Variants in KRT12 observed in about 807,000 individuals in gnomAD.
KRT12 encodes keratin 12, also known as keratin, type I cytoskeletal 12.
In KRT12, 43 loss-of-function variants were observed where a neutral mutation model predicts 50.2. The observed-to-expected ratio is 0.86, with a 90% CI of 0.67 to 1.11. The LOEUF is 1.11. Ranked by LOEUF, KRT12 falls within the 50% of genes least tolerant of loss-of-function variation. The pLI, the probability that KRT12 is intolerant of heterozygous loss-of-function variation, is 0.00. For synonymous variants in KRT12, 257 were observed against 253.6 expected (o/e 1.01, Z -0.13); for missense variants, 588 against 625.6 (o/e 0.94, Z 0.64).
chr17:40,862,442 C>A, intron 7 of KRT12, 123 bp downstream of exon 7: 2 of 746,246 alleles, frequency 2.7e-6, no homozygotes, highest in Non-Finnish European at 2.3e-6. Flanking sequence ...TTCCTTGGCT[C>A]AGAATATAAA....
chr17:40,866,350 A>G, intron 1 of KRT12, 113 bp from the exon 2 acceptor site: 1 of 837,176 alleles, frequency 1.2e-6, no homozygotes, highest in Non-Finnish European at 2.0e-6. Flanking sequence ...TTTTATTTAG[A>G]GTTTAAGACA....
At chr17:40,866,384 C>A in intron 1 of KRT12, 147 bp from the exon 2 acceptor site, 1 of 756,218 alleles carries the variant, frequency 1.3e-6, no homozygotes, top group South Asian at 1.5e-5. Flanking sequence ...AAGACAATAT[C>A]TGTATAAAAT....
chr17:40,863,898 G>T lies in KRT12; in HGVS notation c.808-34C>A. On this transcript the variant is annotated intron_variant, in intron 3 of 7. Transcript: ENST00000251643. The surrounding 1 kb of genome is among the most constrained non-coding windows in gnomAD (Gnocchi z 4.2). ...AGCATGTGAGAGAGAGGGGCACAGG[G>T]GTCCATTGTGACTTTCGTGGGCCCT... 6.5e-7 allele frequency: 1 copy of T among 1,532,090 alleles called. No homozygotes were observed. Among genetic ancestry groups the T allele is most frequent in the South Asian group, 1.2e-5 (1 of 81,256 alleles). 94.9% of individuals were successfully genotyped at this position (1,532,090 alleles called of 1,614,324 possible). A position where few individuals can be genotyped will look rare whatever the true frequency, so the allele number is the denominator to read the frequency against.
chr17:40,867,070 T>C lies in KRT12; in HGVS notation c.117A>G (p.Gly39=). Residue 39 remains glycine, a synonymous_variant, in exon 1 of 8, where the codon GGA becomes GGG. Transcript: ENST00000251643. ...RPRGMSASSV[G]SGYGGSAFGF... Reference sequence around the variant, plus strand: ...CAAAGGCACTTCCCCCATAACCACTTCCAACACTGGAAGCAGACATGCCCC... The same window carrying C: ...CAAAGGCACTTCCCCCATAACCACTCCCAACACTGGAAGCAGACATGCCCC... 1 of 1,613,204 alleles carries C rather than the reference T, an allele frequency of 6.2e-7. No individual in the cohort carries two copies. Among genetic ancestry groups the C allele is most frequent in the Non-Finnish European group, 8.5e-7 (1 of 1,179,488 alleles).
In KRT12 at chr17:40,866,786, T is replaced by G; in HGVS notation, c.401A>C (p.Asp134Ala). The G allele has an allele frequency of 6.2e-7, 1 of 1,614,184 alleles. No individual in the cohort carries two copies. The highest frequency in any genetic ancestry group is 8.5e-7 in the Non-Finnish European group (1 of 1,180,030). ...CTTATCCAGGTAGGAAGCTAATCTA[T>G]CATTAAGATTTTGCATAGTTTCTTT... ...SEKETMQNLN[D>A]RLASYLDKVR... Residue 134 changes from aspartate to alanine, a missense_variant, in exon 1 of 8, where the codon GAT (aspartate) becomes GCT (alanine). Physicochemically the swap from Asp to Ala is moderately radical, Grantham distance 126 (BLOSUM62 -2). Coordinates refer to ENST00000251643, the MANE Select transcript of KRT12 (RefSeq NM_000223.4).
rs572932660 is a variant in KRT12, at chr17:40,862,625, C to T, written c.1327G>A (p.Glu443Lys). Residue 443 changes from glutamate (E) to lysine (K), a missense_variant, in exon 7 of 8, where the codon GAG becomes AAG. Glu to Lys is a moderately conservative substitution (Grantham distance 56). Coordinates refer to ENST00000251643, the MANE Select transcript of KRT12 (RefSeq NM_000223.4). ...LDGEAQGDGL[E>K]ESLFVTDSKS... Reference sequence around the variant, plus strand: ...GAGTCTGTCACAAATAAACTTTCCTCCAAACCATCACTGTAAGAAAACAAA... The same window carrying T: ...GAGTCTGTCACAAATAAACTTTCCTTCAAACCATCACTGTAAGAAAACAAA... 3 of 1,612,446 alleles carry T rather than the reference C, an allele frequency of 1.9e-6. No individual in the cohort carries two copies. Among genetic ancestry groups the T allele is most frequent in the African/African-American group, 1.3e-5 (1 of 75,008 alleles).
rs769499559 is a variant in KRT12 at position 40,864,836 on chromosome 17, C to T, written c.777G>A (p.Glu259=). ...LEMQIESLNE[E]LAYMKKNHED... ...CGTGGTTCTTCTTCATGTAGGCCAG[C>T]TCCTCGTTCAGGCTCTCGATCTGCA... The change falls in exon 3 of 8, where the codon GAG becomes GAA. Residue 259 remains glutamate, a synonymous_variant. Transcript: ENST00000251643. The T allele has an allele frequency of 1.9e-6, 3 of 1,614,086 alleles. No individual in the cohort carries two copies. The highest frequency in any genetic ancestry group is 1.3e-5 in the African/African-American group (1 of 74,910).
At chr17:40,865,490 G>A (rs1319057097) in intron 2 of KRT12, among the ~76,000 whole-genome samples, 1 of 152,194 alleles carries the variant, frequency 6.6e-6, no homozygotes, top group Non-Finnish European at 1.5e-5. Context: ...TGGGAGAGTT[G>A]AGCATGGAAA....
In KRT12 at chr17:40,863,205, G is replaced by A; in HGVS notation, c.1234C>T (p.His412Tyr). 5 of 1,614,092 alleles carry A rather than the reference G, an allele frequency of 3.1e-6. No homozygotes were observed. The highest frequency in any genetic ancestry group is 4.2e-6 in the Non-Finnish European group (5 of 1,180,036). The stretch of plus-strand genomic sequence containing the variant: ...GCCTTGACATTCAGCAGCCGCTGGT[G>A]GTCCACGTTCTGGCGCTCTGCGTCC... ...RADAERQNVD[H>Y]QRLLNVKARL... is the part of the protein sequence containing the mutation. The change falls in exon 6 of 8, where the codon CAC (histidine) becomes TAC (tyrosine). Residue 412 changes from histidine (H) to tyrosine (Y), a missense_variant. Transcript: ENST00000251643. The surrounding 1 kb of genome is among the most constrained non-coding windows in gnomAD (Gnocchi z 4.2).
intron 2 of KRT12, 44 bp from the exon 3 acceptor site, chr17:40,865,006 T>C (rs1906967045): frequency 6.2e-7 from 1 of 1,604,690 alleles, no homozygotes; most frequent in African/African-American, 1.3e-5. Context: ...AACACAACCA[T>C]TTGAACAAGG....
intron 1 of KRT12, 111 bp from the exon 2 acceptor site, chr17:40,866,348 A>G (rs1907021270): frequency 9.1e-6 from 8 of 875,754 alleles, no homozygotes; most frequent in Admixed American, 2.0e-5. Context: ...TGTTTTATTT[A>G]GAGTTTAAGA....
rs1189575314 is a variant in KRT12, at chr17:40,861,729, C to T, written c.1417G>A (p.Val473Ile). ...DPTKTRKIKT[V>I]VQEMVNGEVV... Reference sequence around the variant, plus strand: ...TCACCATTCACCATCTCCTGCACAACTGTCTTGATTTTTCGGGTTTTGGTT... The same window carrying T: ...TCACCATTCACCATCTCCTGCACAATTGTCTTGATTTTTCGGGTTTTGGTT... The change falls in exon 8 of 8, where the codon GTT (valine) becomes ATT (isoleucine). Residue 473 changes from valine to isoleucine, a missense_variant. Physicochemically the swap from Val to Ile is conservative, Grantham distance 29. Coordinates refer to ENST00000251643, the MANE Select transcript of KRT12 (RefSeq NM_000223.4). The T allele has an allele frequency of 1.9e-6, 3 of 1,613,762 alleles. No individual in the cohort carries two copies. In the African/African-American group the frequency reaches 4.0e-5, roughly 22 times the overall value.
In KRT12 at chr17:40,863,284, G is replaced by A. The variant is rs1280056264; in HGVS notation, c.1155C>T (p.Ser385=). 3.1e-6 allele frequency: 5 copies of A among 1,614,018 alleles called. No homozygotes were observed. The East Asian group carries it at 8.9e-5, about 29-fold the overall frequency. Residue 385 remains serine, a synonymous_variant, in exon 6 of 8, where the codon TCC becomes TCT. Coordinates refer to ENST00000251643, the MANE Select transcript of KRT12 (RefSeq NM_000223.4). The surrounding 1 kb of genome is among the most constrained non-coding windows in gnomAD (Gnocchi z 4.2). ...EAEGDYCAQL[S]QVQQLISNLE... ...GGTTGCTGATGAGCTGCTGCACCTG[G>A]GACAGCTGCGCGCAGTAATCGCCCT...
Position 40,861,549 on chromosome 17 carries a change from C to G in KRT12, c.*112G>C, listed in dbSNP as rs1906802897. The G allele has an allele frequency of 1.3e-6, 1 of 748,168 alleles. No individual in the cohort carries two copies. Among genetic ancestry groups the G allele is most frequent in the Admixed American group, 2.0e-5 (1 of 49,760 alleles). The allele number at this position is 748,168 out of a possible 1,614,324, so 46.3% of individuals were successfully genotyped here. A position where few individuals can be genotyped will look rare whatever the true frequency, so the allele number is the denominator to read the frequency against. ...AATAGGGAATCCAAAGAAAATGGAA[C>G]AGACAAAAATAGGGATTGAAGTAAT... On this transcript the variant is annotated 3_prime_UTR_variant, in exon 8 of 8. Coordinates refer to ENST00000251643, the MANE Select transcript of KRT12 (RefSeq NM_000223.4).
Position 40,863,655 on chromosome 17 carries a change from T to C in KRT12, c.970-45A>G, listed in dbSNP as rs1465987945. On this transcript the variant is annotated intron_variant, in intron 4 of 7. Transcript: ENST00000251643. The surrounding 1 kb of genome is among the most constrained non-coding windows in gnomAD (Gnocchi z 4.2). ...CAGGGGGCTCGAGCGCTGAGCTCGT[T>C]CGCAGGCCTTTCTGTGAATGTATCA... The C allele has an allele frequency of 3.1e-6, 5 of 1,614,092 alleles. No individual in the cohort carries two copies. Among genetic ancestry groups the C allele is most frequent in the Admixed American group, 1.7e-5 (1 of 60,014 alleles).
chr17:40,863,199 G>A lies in KRT12; in HGVS notation c.1240C>T (p.Arg414Trp), dbSNP rs1293477110. ...DAERQNVDHQ[R>W]LLNVKARLEL... ...AGGCGGGCCTTGACATTCAGCAGCC[G>A]CTGGTGGTCCACGTTCTGGCGCTCT... The change falls in exon 6 of 8, where the codon CGG becomes TGG. Residue 414 changes from arginine (R) to tryptophan (W), a missense_variant. Arg to Trp is a moderately radical substitution (Grantham distance 101). Transcript: ENST00000251643. The surrounding 1 kb of genome is among the most constrained non-coding windows in gnomAD (Gnocchi z 4.2). 8 of 1,614,104 alleles carry A rather than the reference G, an allele frequency of 5.0e-6. No homozygotes were observed. Among genetic ancestry groups the A allele is most frequent in the Non-Finnish European group, 5.9e-6 (7 of 1,180,040 alleles).
At chr17:40,862,741 T>C in intron 6 of KRT12, 106 bp from the exon 7 acceptor site, 1 of 853,660 alleles carries the variant, frequency 1.2e-6, no homozygotes, top group South Asian at 1.3e-5. Flanking sequence ...CCTGAGTTCT[T>C]CCAACTAGTG....
intron 7 of KRT12, 89 bp downstream of exon 7, chr17:40,862,476 A>G: frequency 1.2e-6 from 1 of 846,026 alleles, no homozygotes; most frequent in Non-Finnish European, 2.0e-6. Context: ...AAAATTAATA[A>G]TAATGCAGTA....
Position 40,863,099 on chromosome 17 carries a change from T to G in KRT12, c.1316+24A>C. The G allele has an allele frequency of 6.2e-7, 1 of 1,609,608 alleles. No homozygotes were observed. The highest frequency in any genetic ancestry group is 8.5e-7 in the Non-Finnish European group (1 of 1,175,912). ...ACTCTTGGTCAGCCCCTGAAGGTGT[T>G]TACAGCCTCCGTTGTCTGCTCACCC... On this transcript the variant is annotated intron_variant, in intron 6 of 7. Coordinates refer to ENST00000251643, the MANE Select transcript of KRT12 (RefSeq NM_000223.4). This position sits in a 1 kb window ranked among gnomAD's most constrained non-coding sequence, Gnocchi z 4.2.
Sources: gnomAD v4.1 joint callset for allele counts (sites outside exome capture counted in the v4.1 genomes callset) on GRCh38, gnomAD v4.1.1 for gene constraint, Gnocchi (gnomAD v3.1) non-coding constraint, MANE v1.5 for transcripts, NCBI Gene and HGNC (gene_info 2026-07-23, HGNC 2026-07-21) for gene names.